The following MAF variants were observed in gnomAD, a reference collection of about 807,000 sequenced individuals.
MAF encodes transcription factor Maf.
In MAF, 10 loss-of-function variants were observed where a neutral mutation model predicts 22.0. The ratio of observed to expected loss-of-function variants is 0.45; its 90% CI spans 0.28 to 0.77. The LOEUF (loss-of-function observed/expected upper bound fraction) is 0.77. Among genes scored for constraint, MAF ranks in the 30% least tolerant of loss-of-function variants. MAF has a pLI of 0.12. For missense variants in MAF, 544 were observed against 548.4 expected, an observed-to-expected ratio of 0.99 and a Z score of 0.08; for synonymous variants, 337 against 255.8, an observed-to-expected ratio of 1.32 and a Z score of -3.03.
the MAF span, among the ~76,000 whole-genome samples, chr16:79,299,180 G>T: frequency 6.6e-6 from 1 of 152,026 alleles, no homozygotes; most frequent in Non-Finnish European, 1.5e-5. Flanking sequence ...GTTAATGGGC[G>T]ACCTTTGCCC....
At chr16:79,311,972 G>A in the MAF span, among the ~76,000 whole-genome samples, 1 of 152,094 alleles carries the variant, frequency 6.6e-6, no homozygotes, top group African/African-American at 2.4e-5. Context: ...GCTTGGGAGG[G>A]GGAGTTGCTG....
At chr16:79,507,207 G>A in the MAF span, among the ~76,000 whole-genome samples, 4 of 150,280 alleles carry the variant, frequency 2.7e-5, no homozygotes, top group African/African-American at 7.4e-5. Flanking sequence ...TCTGCCTCCC[G>A]GGTTCATGCC....
chr16:79,366,783 C>A, the MAF span, among the ~76,000 whole-genome samples: 2 of 152,290 alleles, frequency 1.3e-5, no homozygotes, highest in East Asian at 3.9e-4. Context: ...ATGATCAGAG[C>A]AAGAAATAAG....
the MAF span, among the ~76,000 whole-genome samples, chr16:79,550,415 A>T: frequency 3.9e-5 from 6 of 151,940 alleles, no homozygotes; most frequent in Non-Finnish European, 8.8e-5. Flanking sequence ...TGAGTTGCAA[A>T]ATGGGTCAAG....
chr16:79,526,577 A>G, the MAF span, among the ~76,000 whole-genome samples: 1 of 152,166 alleles, frequency 6.6e-6, no homozygotes, highest in African/African-American at 2.4e-5. Flanking sequence ...CCTGGTTTTA[A>G]CTATCAGGAG....
chr16:79,270,834 G>A, the MAF span, among the ~76,000 whole-genome samples: 2 of 151,836 alleles, frequency 1.3e-5, no homozygotes, highest in African/African-American at 4.8e-5. Context: ...CCTATACACA[G>A]ACACAGACAG....
chr16:79,475,442 G>A, the MAF span, among the ~76,000 whole-genome samples: 40 of 150,744 alleles, frequency 2.7e-4, 1 homozygote, highest in African/African-American at 4.6e-4. Context: ...GATCTTAAAC[G>A]AACAATGCAC....
chr16:79,326,107 T>C, the MAF span, among the ~76,000 whole-genome samples: 2 of 152,218 alleles, frequency 1.3e-5, no homozygotes, highest in African/African-American at 4.8e-5. Flanking sequence ...ATCCACAAAA[T>C]ATAGTTTTGC....
chr16:79,547,901 T>TGAGAGAGAGAGA, the MAF span, among the ~76,000 whole-genome samples: 1 of 137,266 alleles, frequency 7.3e-6, no homozygotes, highest in Non-Finnish European at 1.6e-5. Flanking sequence ...TGTGTGTGTG[T>TGAGAGAGAGAGA]GAGAGAGAGA....
chr16:79,407,592 G>A, the MAF span, among the ~76,000 whole-genome samples: 3 of 152,080 alleles, frequency 2.0e-5, no homozygotes, highest in Non-Finnish European at 2.9e-5. Context: ...GCCATGGCAC[G>A]ACCCATTAAC....
the MAF span, among the ~76,000 whole-genome samples, chr16:79,331,258 C>G: frequency 1.1e-4 from 16 of 152,276 alleles, no homozygotes; most frequent in African/African-American, 3.8e-4. Context: ...GTGTGTGTGA[C>G]TGCCACTCCC....
the MAF span, among the ~76,000 whole-genome samples, chr16:79,283,770 C>G: frequency 6.6e-6 from 1 of 152,106 alleles, no homozygotes; most frequent in Non-Finnish European, 1.5e-5. Flanking sequence ...ACAGGCCGCA[C>G]AGAACCTGCA....
At chr16:79,530,586 T>C in the MAF span, among the ~76,000 whole-genome samples, 1 of 152,352 alleles carries the variant, frequency 6.6e-6, no homozygotes, top group African/African-American at 2.4e-5. Flanking sequence ...AATGAATATA[T>C]ATATTTGTGC....
chr16:79,545,450 A>G, the MAF span, among the ~76,000 whole-genome samples: 1 of 152,138 alleles, frequency 6.6e-6, no homozygotes, highest in Non-Finnish European at 1.5e-5. Flanking sequence ...CCATTTGAGC[A>G]TGAGTACAAC....
At chr16:79,258,748 C>T in the MAF span, among the ~76,000 whole-genome samples, 4 of 152,298 alleles carry the variant, frequency 2.6e-5, no homozygotes, top group South Asian at 2.1e-4. Context: ...AAATAGACAT[C>T]CCCTCTCCCT....
chr16:79,399,019 G>C, the MAF span, among the ~76,000 whole-genome samples: 1 of 152,174 alleles, frequency 6.6e-6, no homozygotes, highest in South Asian at 2.1e-4. Context: ...TGCCTCTCAA[G>C]TGCCCAGTTC....
the MAF span, among the ~76,000 whole-genome samples, chr16:79,254,569 G>A: frequency 6.6e-6 from 1 of 152,164 alleles, no homozygotes; most frequent in Non-Finnish European, 1.5e-5. Flanking sequence ...ACATCTTAGA[G>A]ATAGTTATAT....
At chr16:79,500,150 G>A in the MAF span, among the ~76,000 whole-genome samples, 1 of 152,190 alleles carries the variant, frequency 6.6e-6, no homozygotes, top group African/African-American at 2.4e-5. Flanking sequence ...TGGCCTCCAG[G>A]ACTTTGAGAG....
At chr16:79,247,661 A>T in the MAF span, among the ~76,000 whole-genome samples, 1 of 152,268 alleles carries the variant, frequency 6.6e-6, no homozygotes, top group African/African-American at 2.4e-5. Flanking sequence ...ACCACTGTCA[A>T]CCCATCCTCA....
Sources: allele counts gnomAD v4.1 joint callset (sites outside exome capture counted in the v4.1 genomes callset), GRCh38; gene constraint gnomAD v4.1.1; transcripts MANE v1.5; gene names NCBI Gene and HGNC (gene_info 2026-07-23, HGNC 2026-07-21).